Variants in ASS1 observed in about 807,000 individuals in gnomAD.
The protein encoded by ASS1 is argininosuccinate synthase 1, also known as argininosuccinate synthase.
A neutral mutation model predicts 60.5 loss-of-function variants in ASS1; 58 were observed. That is an observed-to-expected ratio of 0.96 (90% CI 0.78 to 1.19). The LOEUF is 1.19. Ranked by LOEUF, ASS1 falls within the 50% of genes most tolerant of loss-of-function variation. ASS1 has a pLI of 0.00. For synonymous variants in ASS1, 200 were observed against 206.9 expected, an observed-to-expected ratio of 0.97 and a Z score of 0.29; for missense variants, 454 against 547.3, an observed-to-expected ratio of 0.83 and a Z score of 1.70.
chr9:130,455,556 C>T (rs1460388815), intron 3 of ASS1, among the ~76,000 whole-genome samples: 2 of 152,262 alleles, frequency 1.3e-5, no homozygotes, highest in South Asian at 2.1e-4. Context: ...TCCATTCATT[C>T]AACAGAATCA....
rs553754901 is a variant in ASS1, at chr9:130,478,816, T to C, written c.689-900T>C. 6.6e-6 allele frequency among the ~76,000 whole-genome samples: 1 copy of C among 152,180 alleles called. No individual in the cohort carries two copies. Among genetic ancestry groups the C allele is most frequent in the African/African-American group, 2.4e-5 (1 of 41,520 alleles). On this transcript the variant is annotated intron_variant, in intron 9 of 14. Transcript: ENST00000352480. This position sits in a 1 kb window ranked among gnomAD's most constrained non-coding sequence, Gnocchi z 4.7. ...AACCAAGTTATAAAACCCCTGGAAA[T>C]GGGGGTTAAGAATGGCGAGGCTGAC... is the stretch of plus-strand genomic sequence containing the variant.
rs532747003 is a variant in ASS1 at position 130,448,186 on chromosome 9, G to A, written c.-6+3191G>A. ...GGGACCTGCGGAGGCTGAGGGAGGG[G>A]GGTGCCCCACCCGCTGCTGGGAGGG... On this transcript the variant is annotated intron_variant, in intron 1 of 14. Transcript: ENST00000352480. Among the ~76,000 whole-genome samples, 7 of 152,076 alleles carry A rather than the reference G, an allele frequency of 4.6e-5. No individual in the cohort carries two copies. In the East Asian group the frequency reaches 9.7e-4, roughly 21 times the overall value.
chr9:130,500,637 G>A (rs990443773), intron 14 of ASS1, among the ~76,000 whole-genome samples: 1 of 152,008 alleles, frequency 6.6e-6, no homozygotes, highest in Non-Finnish European at 1.5e-5. Flanking sequence ...CCTGCCTCCT[G>A]CGCCCTCTGT....
chr9:130,470,437 G>A lies in ASS1; in HGVS notation c.496-397G>A, dbSNP rs1218126126. On this transcript the variant is annotated intron_variant, in intron 6 of 14. Coordinates refer to ENST00000352480, the MANE Select transcript of ASS1 (RefSeq NM_054012.4). The surrounding 1 kb of genome is among the most constrained non-coding windows in gnomAD (Gnocchi z 4.3). ...CAGGAAGCACTGCCTGGGCTCTGGT[G>A]CCAGGTGCCCCGGTCCACAGTGCGA... is the stretch of plus-strand genomic sequence containing the variant. 6.6e-6 allele frequency among the ~76,000 whole-genome samples: 1 copy of A among 152,190 alleles called. No homozygotes were observed. The highest frequency in any genetic ancestry group is 1.9e-4 in the East Asian group (1 of 5,178).
rs148918985 is a variant in ASS1 at position 130,480,404 on chromosome 9, C to T, written c.793C>T (p.Arg265Cys). 11 of 1,614,054 alleles carry T rather than the reference C, an allele frequency of 6.8e-6. No homozygotes were observed. Among genetic ancestry groups the T allele is most frequent in the East Asian group, 2.2e-5 (1 of 44,896 alleles). Residue 265 changes from arginine (R) to cysteine (C), a missense_variant, in exon 11 of 15, where the codon CGT becomes TGT. Coordinates refer to ENST00000352480, the MANE Select transcript of ASS1 (RefSeq NM_054012.4). The part of the protein sequence containing the change: ...NEVAGKHGVG[R>C]IDIVENRFIG... ...CCACAGGGGCAAGCATGGCGTGGGC[C>T]GTATTGACATCGTGGAGAACCGCTT... is the stretch of plus-strand genomic sequence containing the variant.
intron 5 of ASS1, among the ~76,000 whole-genome samples, chr9:130,464,392 C>T (rs1845676576): frequency 6.6e-6 from 1 of 152,182 alleles, no homozygotes. Flanking sequence ...AGAGGCTGTC[C>T]AGGTGCTGGG....
Position 130,486,965 on chromosome 9 carries a change from T to C in ASS1, c.839-2368T>C, listed in dbSNP as rs577141550. Among the ~76,000 whole-genome samples, 577 of 152,354 alleles carry C rather than the reference T, an allele frequency of 3.8e-3. 2 individuals carry two copies. Among genetic ancestry groups the C allele is most frequent in the African/African-American group, 0.014 (564 of 41,572 alleles). On this transcript the variant is annotated intron_variant, in intron 11 of 14. Coordinates refer to ENST00000352480, the MANE Select transcript of ASS1 (RefSeq NM_054012.4). ...TTGCCAAAGGCCCTTCGAGGCCACC[T>C]GGAGCTGAGATGGGAGACCCCGGGG...
chr9:130,488,623 G>A lies in ASS1; in HGVS notation c.839-710G>A, dbSNP rs1846365633. On this transcript the variant is annotated intron_variant, in intron 11 of 14. Transcript: ENST00000352480. The surrounding 1 kb of genome is among the most constrained non-coding windows in gnomAD (Gnocchi z 5.2). ...GGACTGGGCCTGAGGTCACAAGAGG[G>A]GACTTGAGCAATCCCTTCTCCCCTG... 6.6e-6 allele frequency among the ~76,000 whole-genome samples: 1 copy of A among 152,210 alleles called. No homozygotes were observed. Among genetic ancestry groups the A allele is most frequent in the Admixed American group, 6.5e-5 (1 of 15,286 alleles).
chr9:130,448,588 G>T (rs1236599233), intron 1 of ASS1, among the ~76,000 whole-genome samples: 3 of 152,150 alleles, frequency 2.0e-5, no homozygotes, highest in African/African-American at 7.2e-5. Flanking sequence ...ATTTAAGACA[G>T]AGTTTCACTC....
rs1339119759 is a variant in ASS1, at chr9:130,491,421, C to T, written c.970+1957C>T. Among the ~76,000 whole-genome samples, 3 of 152,150 alleles carry T rather than the reference C, an allele frequency of 2.0e-5. No homozygotes were observed. The highest frequency in any genetic ancestry group is 2.9e-5 in the Non-Finnish European group (2 of 68,028). On this transcript the variant is annotated intron_variant, in intron 12 of 14. Coordinates refer to ENST00000352480, the MANE Select transcript of ASS1 (RefSeq NM_054012.4). The surrounding 1 kb of genome is among the most constrained non-coding windows in gnomAD (Gnocchi z 5.3). ...TTGCTGCTAGGCTCTGAGCTGGGCA[C>T]CTGATGGGGTATTATCTAATATTAG...
intron 3 of ASS1, 40 bp downstream of exon 3, chr9:130,454,413 C>T (rs749931627): frequency 2.1e-5 from 33 of 1,594,558 alleles, no homozygotes; most frequent in Admixed American, 6.8e-5. Flanking sequence ...GGGAGTGGGG[C>T]GGTGATGTGG....
At chr9:130,487,378 G>A (rs1564159454) in intron 11 of ASS1, among the ~76,000 whole-genome samples, 1 of 149,154 alleles carries the variant, frequency 6.7e-6, no homozygotes, top group Non-Finnish European at 1.5e-5. Flanking sequence ...AGGCTTCAGA[G>A]TCAAAACCAA....
At chr9:130,487,972 C>G (rs1846348324) in intron 11 of ASS1, among the ~76,000 whole-genome samples, 1 of 152,114 alleles carries the variant, frequency 6.6e-6, no homozygotes, top group Non-Finnish European at 1.5e-5. Flanking sequence ...CCAGGCTGGT[C>G]TTGAACTCCT....
Position 130,491,665 on chromosome 9 carries a change from G to A in ASS1, c.970+2201G>A, listed in dbSNP as rs1420145088. On this transcript the variant is annotated intron_variant, in intron 12 of 14. Transcript: ENST00000352480. The surrounding 1 kb of genome is among the most constrained non-coding windows in gnomAD (Gnocchi z 5.3). ...CAGTTTGGCTCCTGGCTGCGGTCAC[G>A]ATGCCTCTACACTGGACTGGCTGGG... Among the ~76,000 whole-genome samples, 1 of 152,180 alleles carries A rather than the reference G, an allele frequency of 6.6e-6. No homozygotes were observed. Among genetic ancestry groups the A allele is most frequent in the Non-Finnish European group, 1.5e-5 (1 of 68,034 alleles).
chr9:130,465,681 GTTCT>G (rs934345025), intron 5 of ASS1, among the ~76,000 whole-genome samples: 3 of 152,180 alleles, frequency 2.0e-5, no homozygotes, highest in Non-Finnish European at 4.4e-5. Flanking sequence ...TTTCCATTTT[GTTCT>G]TTCTAAGAGG....
chr9:130,484,991 G>C (rs1012802507), intron 11 of ASS1, among the ~76,000 whole-genome samples: 1 of 152,186 alleles, frequency 6.6e-6, no homozygotes, highest in African/African-American at 2.4e-5. Context: ...GCCTGGGAGG[G>C]TGGCAGCCAG....
At chr9:130,485,187 T>G (rs1373341824) in intron 11 of ASS1, among the ~76,000 whole-genome samples, 1 of 152,134 alleles carries the variant, frequency 6.6e-6, no homozygotes, top group Non-Finnish European at 1.5e-5. Context: ...CCCTCCCCTC[T>G]CTGGACTGAT....
chr9:130,448,258 T>C (rs1002977173), intron 1 of ASS1, among the ~76,000 whole-genome samples: 3 of 152,142 alleles, frequency 2.0e-5, no homozygotes, highest in African/African-American at 7.2e-5. Context: ...CAAGCCCATC[T>C]GCCCAGCTCA....
chr9:130,455,775 C>T (rs1363492698), intron 3 of ASS1, among the ~76,000 whole-genome samples: 1 of 152,256 alleles, frequency 6.6e-6, no homozygotes, highest in Admixed American at 6.5e-5. Context: ...GCAAGGCCAC[C>T]AGCCCACCTG....
Sources: gnomAD v4.1 joint callset for allele counts (sites outside exome capture counted in the v4.1 genomes callset) on GRCh38, gnomAD v4.1.1 for gene constraint, Gnocchi (gnomAD v3.1) non-coding constraint, MANE v1.5 for transcripts, NCBI Gene and HGNC (gene_info 2026-07-23, HGNC 2026-07-21) for gene names.